Variants in GALNT2 observed in about 807,000 individuals in gnomAD.
The protein encoded by GALNT2 is polypeptide N-acetylgalactosaminyltransferase 2, also known as UDP-GalNAc:polypeptide N-acetylgalactosaminyltransferase 2.
GALNT2 carries 31 observed loss-of-function variants against 81.4 expected under a neutral mutation model. That is an observed-to-expected ratio of 0.38 (90% confidence interval 0.29 to 0.51). The LOEUF (loss-of-function observed/expected upper bound fraction) is 0.51, where lower values mean the gene tolerates loss of function less well. Ranked by LOEUF, GALNT2 falls within the 20% of genes least tolerant of loss-of-function variation. The pLI is 0.87. For missense variants in GALNT2, 629 were observed against 765.7 expected, an observed-to-expected ratio of 0.82 and a Z score of 2.11; for synonymous variants, 303 against 287.4, an observed-to-expected ratio of 1.05 and a Z score of -0.55.
intron 7 of GALNT2, 93 bp from the exon 8 acceptor site, chr1:230,245,970 C>T: frequency 1.9e-6 from 2 of 1,060,554 alleles, no homozygotes; most frequent in South Asian, 2.6e-5. Context: ...GTTGGGTTTG[C>T]CCTGTGCCTG....
At chr1:230,263,060 G>A (rs1572152844) in intron 13 of GALNT2, 55 bp downstream of exon 13, 1 of 1,436,776 alleles carries the variant, frequency 7.0e-7, no homozygotes. Flanking sequence ...AGCCAGTAAG[G>A]CCATAGAAGC....
rs763218740 is a variant in GALNT2, at chr1:230,236,718, A to G, written c.600A>G (p.Arg200=). The G allele has an allele frequency of 1.2e-6, 2 of 1,613,452 alleles. No individual in the cohort carries two copies. The highest frequency in any genetic ancestry group is 3.3e-5 in the Admixed American group (2 of 59,812). Residue 200 remains arginine, a synonymous_variant, in exon 6 of 16, where the codon CGA becomes CGG. Transcript: ENST00000366672. ...IEKVRVLRND[R]REGLMRSRVR... is the part of the protein sequence containing the mutation. ...AAGTGCGAGTTCTTAGAAATGATCG[A>G]CGAGAAGGTAAGATTCTTCTTAATT...
chr1:230,104,444 C>T (rs1167399402), intron 1 of GALNT2, among the ~76,000 whole-genome samples: 2 of 152,134 alleles, frequency 1.3e-5, no homozygotes, highest in African/African-American at 4.8e-5. Context: ...TTCCTGGTTT[C>T]CTGGCTCTGT....
At chr1:230,093,907 G>A (rs1484807137) in intron 1 of GALNT2, among the ~76,000 whole-genome samples, 9 of 152,134 alleles carry the variant, frequency 5.9e-5, no homozygotes, top group Admixed American at 5.2e-4. Context: ...TTCTCAGAAG[G>A]TATCCCTGTC....
At chr1:230,259,270 C>T (rs561368806) in intron 11 of GALNT2, among the ~76,000 whole-genome samples, 7 of 152,296 alleles carry the variant, frequency 4.6e-5, no homozygotes, top group African/African-American at 1.7e-4. Context: ...AATGAGATAT[C>T]TTGGGGCTGG....
intron 1 of GALNT2, among the ~76,000 whole-genome samples, chr1:230,088,869 A>G (rs752596639): frequency 5.9e-5 from 9 of 152,012 alleles, no homozygotes; most frequent in Non-Finnish European, 8.8e-5. Context: ...TTTTCATCCA[A>G]ATGGAAACCC....
At chr1:230,274,403 C>A in intron 14 of GALNT2, 42 bp from the exon 15 acceptor site, 5 of 1,603,114 alleles carry the variant, frequency 3.1e-6, no homozygotes, top group Non-Finnish European at 4.3e-6. Context: ...CTTTCACAGC[C>A]CGGTGCATAG....
At chr1:230,201,733 C>T (rs957052590) in intron 2 of GALNT2, among the ~76,000 whole-genome samples, 3 of 152,238 alleles carry the variant, frequency 2.0e-5, no homozygotes, top group African/African-American at 7.2e-5. Flanking sequence ...TCCTTAGTCA[C>T]ACTGGCCTCC....
At chr1:230,093,401 T>C (rs1207253575) in intron 1 of GALNT2, among the ~76,000 whole-genome samples, 2 of 74,518 alleles carry the variant, frequency 2.7e-5, no homozygotes, top group African/African-American at 6.3e-5. Context: ...GGAGGAGCAT[T>C]AGATCACAGT....
At chr1:230,234,079 A>C (rs1475506728) in intron 3 of GALNT2, among the ~76,000 whole-genome samples, 2 of 152,174 alleles carry the variant, frequency 1.3e-5, no homozygotes, top group African/African-American at 4.8e-5. Context: ...GAATAATTGA[A>C]AGAATACGTG....
intron 1 of GALNT2, among the ~76,000 whole-genome samples, chr1:230,113,481 G>C (rs941393109): frequency 6.6e-6 from 1 of 152,132 alleles, no homozygotes; most frequent in Non-Finnish European, 1.5e-5. Flanking sequence ...ATAAGAAGAA[G>C]ACCTGACCCC....
chr1:230,067,546 C>G (rs77005666), intron 1 of GALNT2, 140 bp downstream of exon 1: 56,486 of 286,166 alleles, frequency 0.2, 12,246 homozygotes, highest in African/African-American at 0.68. Flanking sequence ...CCCGGGCCTC[C>G]GCGCCGAGTG....
intron 3 of GALNT2, among the ~76,000 whole-genome samples, chr1:230,220,609 C>T (rs990088394): frequency 2.6e-5 from 4 of 152,080 alleles, no homozygotes; most frequent in South Asian, 2.1e-4. Context: ...AGATCTCTCT[C>T]GGTAGCTGCT....
chr1:230,126,187 A>G (rs1012709704), intron 1 of GALNT2, among the ~76,000 whole-genome samples: 5 of 152,046 alleles, frequency 3.3e-5, no homozygotes, highest in African/African-American at 4.8e-5. Context: ...AGCTGTGGAG[A>G]TGGTGATGGG....
At chr1:230,082,485 C>T (rs1659764640) in intron 1 of GALNT2, among the ~76,000 whole-genome samples, 1 of 152,226 alleles carries the variant, frequency 6.6e-6, no homozygotes, top group Non-Finnish European at 1.5e-5. Flanking sequence ...TGGAGTTGGC[C>T]TACCTTGGAG....
At position 230,069,247 on chromosome 1, in the gene GALNT2, G is replaced by A. The variant is rs182954242; in HGVS notation, c.126+1841G>A. On this transcript the variant is annotated intron_variant, in intron 1 of 15. Transcript: ENST00000366672. ...AAGTCTTCAGACACTCCTGAAGTGTGTGATTCTTAGTTTGTTTTTTTTTGT... is the reference window on the plus strand; with the variant it reads ...AAGTCTTCAGACACTCCTGAAGTGTATGATTCTTAGTTTGTTTTTTTTTGT... Among the ~76,000 whole-genome samples the A allele has an allele frequency of 4.5e-4, 66 of 147,330 alleles. 1 individual carries two copies. Among genetic ancestry groups the A allele is most frequent in the Admixed American group, 4.4e-3 (66 of 15,104 alleles).
At chr1:230,058,962 A>G (rs1036677500) in intron 1 of GALNT2, among the ~76,000 whole-genome samples, 1 of 152,174 alleles carries the variant, frequency 6.6e-6, no homozygotes, top group Non-Finnish European at 1.5e-5. Flanking sequence ...CCTCCATAGA[A>G]ATGTGCTTTC....
chr1:230,182,926 A>G (rs577211612), intron 2 of GALNT2, among the ~76,000 whole-genome samples: 14 of 152,240 alleles, frequency 9.2e-5, no homozygotes, highest in Admixed American at 8.5e-4. Context: ...ATGCATTTTT[A>G]TGCTCCTTTT....
At chr1:230,153,060 T>TTATTTA (rs1313935298) in intron 1 of GALNT2, among the ~76,000 whole-genome samples, 12 of 152,212 alleles carry the variant, frequency 7.9e-5, no homozygotes, top group Non-Finnish European at 1.8e-4. Context: ...TATTTACATT[T>TTATTTA]TATTTATTAT....
Sources: allele counts gnomAD v4.1 joint callset (sites outside exome capture counted in the v4.1 genomes callset), GRCh38; gene constraint gnomAD v4.1.1; transcripts MANE v1.5; gene names NCBI Gene and HGNC (gene_info 2026-07-23, HGNC 2026-07-21).